NDUFS4: variants seen among roughly 807,000 people sequenced by gnomAD.
NDUFS4 encodes the protein NADH dehydrogenase [ubiquinone] iron-sulfur protein 4, mitochondrial.
A neutral mutation model predicts 24.3 loss-of-function variants in NDUFS4; 28 were observed. That is an observed-to-expected ratio of 1.15 (90% CI 0.85 to 1.58). The LOEUF is 1.58. Ranked by LOEUF, NDUFS4 falls within the 40% of genes most tolerant of loss-of-function variation. NDUFS4 has a pLI of 0.00. For synonymous variants in NDUFS4, 93 were observed against 69.7 expected (o/e 1.34, Z -1.67); for missense variants, 223 against 207.9 (o/e 1.07, Z -0.45).
intron 1 of NDUFS4, among the ~76,000 whole-genome samples, chr5:53,570,138 G>T (rs986019791): frequency 6.6e-6 from 1 of 151,930 alleles, no homozygotes; most frequent in Non-Finnish European, 1.5e-5. Flanking sequence ...ATTGTTTCAG[G>T]GTGCAGAATA....
chr5:53,622,385 C>T (rs1487613486), intron 2 of NDUFS4, among the ~76,000 whole-genome samples: 3 of 152,136 alleles, frequency 2.0e-5, no homozygotes, highest in Admixed American at 2.0e-4. Flanking sequence ...CCAGCATGGT[C>T]GTTTCTGTTG....
intron 3 of NDUFS4, among the ~76,000 whole-genome samples, chr5:53,652,113 T>C (rs1752037404): frequency 6.6e-6 from 1 of 152,158 alleles, no homozygotes; most frequent in Non-Finnish European, 1.5e-5. Flanking sequence ...TCTAGGTCTA[T>C]CATATTGATG....
At chr5:53,676,220 A>C (rs1431084702) in intron 4 of NDUFS4, among the ~76,000 whole-genome samples, 4 of 152,162 alleles carry the variant, frequency 2.6e-5, no homozygotes, top group African/African-American at 9.7e-5. Context: ...TTGAGAGGGG[A>C]GTCAAATCTA....
intron 1 of NDUFS4, among the ~76,000 whole-genome samples, chr5:53,593,881 TA>T (rs1383709504): frequency 6.6e-6 from 1 of 152,140 alleles, no homozygotes; most frequent in Non-Finnish European, 1.5e-5. Context: ...ATTTCTAGTT[TA>T]ATTCCATTGC....
chr5:53,661,827 G>A (rs1752352952), intron 4 of NDUFS4, among the ~76,000 whole-genome samples: 1 of 152,052 alleles, frequency 6.6e-6, no homozygotes, highest in Non-Finnish European at 1.5e-5. Flanking sequence ...GAATGCTTGT[G>A]GTTTTTGCAC....
chr5:53,660,351 A>T (rs1440389544), intron 4 of NDUFS4, among the ~76,000 whole-genome samples: 1 of 152,092 alleles, frequency 6.6e-6, no homozygotes, highest in Non-Finnish European at 1.5e-5. Context: ...ATGGCTGCAT[A>T]GTATTCCATG....
Position 53,600,914 on chromosome 5 carries a change from G to T in NDUFS4, c.99-2538G>T, listed in dbSNP as rs573037762. 1.8e-3 allele frequency among the ~76,000 whole-genome samples: 274 copies of T among 150,828 alleles called. 1 individual carries two copies. The highest frequency in any genetic ancestry group is 2.6e-3 in the Non-Finnish European group (173 of 67,676). ...TTTACTGTAACTTTATGGTAGGATTGTTTTACTTAACATTTTTGTCCTTTT... is the reference window on the plus strand; with the variant it reads ...TTTACTGTAACTTTATGGTAGGATTTTTTTACTTAACATTTTTGTCCTTTT... On this transcript the variant is annotated intron_variant, in intron 1 of 4. Coordinates refer to ENST00000296684, the MANE Select transcript of NDUFS4 (RefSeq NM_002495.4).
In NDUFS4 at chr5:53,660,686, G is replaced by A. The variant is rs1340015299; in HGVS notation, c.424+2062G>A. The stretch of plus-strand genomic sequence containing the variant: ...GTTGTTTCCTGACTTTTTAATGATC[G>A]CCGTTCTAACTGGTGTGAGATAGTA... On this transcript the variant is annotated intron_variant, in intron 4 of 4. Coordinates refer to ENST00000296684, the MANE Select transcript of NDUFS4 (RefSeq NM_002495.4). 3.9e-5 allele frequency among the ~76,000 whole-genome samples: 6 copies of A among 151,916 alleles called. No individual in the cohort carries two copies. In the East Asian group the frequency reaches 9.7e-4, roughly 24 times the overall value.
chr5:53,627,917 T>C (rs752347562), intron 2 of NDUFS4, among the ~76,000 whole-genome samples: 3 of 152,188 alleles, frequency 2.0e-5, no homozygotes, highest in Admixed American at 6.5e-5. Context: ...TCCAGTACTA[T>C]GTTGAATAGG....
chr5:53,679,365 G>C (rs1740577085), intron 4 of NDUFS4, among the ~76,000 whole-genome samples: 2 of 151,952 alleles, frequency 1.3e-5, no homozygotes, highest in South Asian at 4.1e-4. Flanking sequence ...TTTTCACAGG[G>C]TGCTTTGCCC....
At chr5:53,571,938 G>A (rs1381047547) in intron 1 of NDUFS4, among the ~76,000 whole-genome samples, 2 of 152,126 alleles carry the variant, frequency 1.3e-5, no homozygotes, top group Non-Finnish European at 2.9e-5. Flanking sequence ...TCTTTGTCAT[G>A]TATGGGAAAA....
chr5:53,626,640 A>G (rs1168353885), intron 2 of NDUFS4, among the ~76,000 whole-genome samples: 2 of 152,172 alleles, frequency 1.3e-5, no homozygotes, highest in Non-Finnish European at 2.9e-5. Flanking sequence ...AGTGATGATG[A>G]GCATTTTTTC....
chr5:53,675,647 G>A (rs1740444898), intron 4 of NDUFS4, among the ~76,000 whole-genome samples: 4 of 152,150 alleles, frequency 2.6e-5, no homozygotes, highest in Admixed American at 2.0e-4. Flanking sequence ...AAATACCAAA[G>A]AGCTGTTCTT....
chr5:53,581,183 A>G (rs1385010618), intron 1 of NDUFS4, among the ~76,000 whole-genome samples: 1 of 152,140 alleles, frequency 6.6e-6, no homozygotes, highest in Non-Finnish European at 1.5e-5. Context: ...CCAGTTGTCT[A>G]AGCCAGAAAC....
chr5:53,678,975 G>A (rs1740566526), intron 4 of NDUFS4, among the ~76,000 whole-genome samples: 1 of 152,114 alleles, frequency 6.6e-6, no homozygotes, highest in Non-Finnish European at 1.5e-5. Flanking sequence ...ACACCTTGGA[G>A]GAGGATGCTT....
intron 2 of NDUFS4, among the ~76,000 whole-genome samples, chr5:53,617,510 T>C (rs962756894): frequency 2.6e-5 from 4 of 152,140 alleles, no homozygotes; most frequent in Admixed American, 2.6e-4. Context: ...GCCGTCATTT[T>C]TTCCCCCACT....
intron 1 of NDUFS4, among the ~76,000 whole-genome samples, chr5:53,579,456 T>C (rs1749489043): frequency 6.6e-6 from 1 of 152,204 alleles, no homozygotes; most frequent in African/African-American, 2.4e-5. Flanking sequence ...AATATGTTCA[T>C]GTCCTAATCC....
chr5:53,637,510 C>G (rs1031200450), intron 2 of NDUFS4, among the ~76,000 whole-genome samples: 1 of 152,078 alleles, frequency 6.6e-6, no homozygotes, highest in African/African-American at 2.4e-5. Context: ...AGAATACTTG[C>G]TTATAGTTCC....
intron 4 of NDUFS4, among the ~76,000 whole-genome samples, chr5:53,665,844 G>C (rs192608681): frequency 3.3e-4 from 50 of 152,326 alleles, no homozygotes; most frequent in Middle Eastern, 3.4e-3. Flanking sequence ...TGCACACACT[G>C]TCTGATGCTC....
Sources: gnomAD v4.1 joint callset for allele counts (sites outside exome capture counted in the v4.1 genomes callset) on GRCh38, gnomAD v4.1.1 for gene constraint, MANE v1.5 for transcripts, NCBI Gene and HGNC (gene_info 2026-07-23, HGNC 2026-07-21) for gene names.